The following PEAK1 variants were observed in gnomAD, a reference collection of about 807,000 sequenced individuals.
PEAK1 encodes the protein pseudopodium enriched atypical kinase 1, also known as inactive tyrosine-protein kinase PEAK1.
PEAK1 carries 54 observed loss-of-function variants against 124.7 expected under a neutral mutation model. The ratio of observed to expected loss-of-function variants is 0.43; its 90% confidence interval spans 0.35 to 0.54. PEAK1 has a LOEUF of 0.54. Among genes scored for constraint, PEAK1 ranks in the 20% least tolerant of loss-of-function variants. The pLI, the probability that PEAK1 is intolerant of heterozygous loss-of-function variation, is 0.01. For missense variants in PEAK1, 2,046 were observed against 2,134.5 expected, an observed-to-expected ratio of 0.96 and a Z score of 0.82; for synonymous variants, 719 against 760.0, an observed-to-expected ratio of 0.95 and a Z score of 0.89.
chr15:77,132,942 G>A (rs1372197910), intron 9 of PEAK1, 63 bp downstream of exon 9: 2 of 1,468,664 alleles, frequency 1.4e-6, no homozygotes, highest in Non-Finnish European at 1.8e-6. Context: ...AAAGCAGAAT[G>A]AATCCATCCC....
rs557553493 is a variant in PEAK1, at chr15:77,199,989, G to T, written c.-114-17949C>A. The stretch of plus-strand genomic sequence containing the variant: ...GGTACTGTATGGAAACATTTTTAGA[G>T]AAATAAAATAGCAAAAAAATTCAGA... On this transcript the variant is annotated intron_variant, in intron 6 of 9. Transcript: ENST00000682557. Among the ~76,000 whole-genome samples, 50 of 152,238 alleles carry T rather than the reference G, an allele frequency of 3.3e-4. 1 individual carries two copies. In the South Asian group the frequency reaches 0.01, roughly 31 times the overall value.
chr15:77,364,194 C>CA (rs999178995), intron 2 of PEAK1, among the ~76,000 whole-genome samples: 1 of 151,598 alleles, frequency 6.6e-6, no homozygotes, highest in African/African-American at 2.4e-5. Flanking sequence ...GACTCCATCT[C>CA]AAAGAAAAAA....
intron 6 of PEAK1, among the ~76,000 whole-genome samples, chr15:77,248,410 T>C (rs1006230641): frequency 2.0e-5 from 3 of 152,248 alleles, no homozygotes; most frequent in African/African-American, 7.2e-5. Flanking sequence ...TGAATATTTG[T>C]GTCCTCCTCA....
In PEAK1 at chr15:77,316,630, G is replaced by A. The variant is rs1207758862; in HGVS notation, c.-602-30126C>T. 4.6e-5 allele frequency among the ~76,000 whole-genome samples: 7 copies of A among 152,190 alleles called. No individual in the cohort carries two copies. In the South Asian group the frequency reaches 6.2e-4, roughly 14 times the overall value. The stretch of plus-strand genomic sequence containing the variant: ...ATGTAAGCTTCATATATTATTCATC[G>A]TAGTTTCCCCACCATGGTGCCTTAA... On this transcript the variant is annotated intron_variant, in intron 2 of 9. Coordinates refer to ENST00000682557, the MANE Select transcript of PEAK1 (RefSeq NM_001385026.1).
intron 2 of PEAK1, among the ~76,000 whole-genome samples, chr15:77,358,806 G>T (rs888886650): frequency 1.3e-5 from 2 of 152,180 alleles, no homozygotes; most frequent in Admixed American, 6.5e-5. Flanking sequence ...AATCAGTATG[G>T]TTTGTACAGA....
At chr15:77,326,025 C>T (rs2065554789) in intron 2 of PEAK1, among the ~76,000 whole-genome samples, 1 of 151,936 alleles carries the variant, frequency 6.6e-6, no homozygotes, top group African/African-American at 2.4e-5. Context: ...GAATCCAGCA[C>T]CATATAGTTT....
chr15:77,351,017 G>C, intron 2 of PEAK1: 2 of 876,890 alleles, frequency 2.3e-6, no homozygotes, highest in Non-Finnish European at 2.7e-6. Flanking sequence ...TGGTATTAGA[G>C]AAATACCATG....
intron 6 of PEAK1, among the ~76,000 whole-genome samples, chr15:77,240,461 T>C (rs2060305653): frequency 6.7e-6 from 1 of 149,510 alleles, no homozygotes; most frequent in African/African-American, 2.5e-5. Context: ...CTACAAAAAA[T>C]AAAAAAAAAT....
At chr15:77,170,675 G>A (rs745599664) in intron 7 of PEAK1, among the ~76,000 whole-genome samples, 20 of 152,244 alleles carry the variant, frequency 1.3e-4, no homozygotes, top group Non-Finnish European at 2.2e-4. Flanking sequence ...TTATGCTGAC[G>A]TTTTACAGAT....
intron 6 of PEAK1, chr15:77,239,784 C>G (rs1228799353): frequency 1.1e-6 from 1 of 941,142 alleles, no homozygotes; most frequent in Non-Finnish European, 1.3e-6. Flanking sequence ...TTACATACCT[C>G]CTGGGCTCTT....
intron 6 of PEAK1, among the ~76,000 whole-genome samples, chr15:77,231,322 T>A (rs1046012511): frequency 1.3e-5 from 2 of 152,210 alleles, no homozygotes; most frequent in African/African-American, 4.8e-5. Context: ...AAATAAATGC[T>A]ACATATAAGT....
At chr15:77,214,155 A>C (rs917731830) in intron 6 of PEAK1, among the ~76,000 whole-genome samples, 1 of 152,146 alleles carries the variant, frequency 6.6e-6, no homozygotes, top group Admixed American at 6.5e-5. Context: ...GATACACCAC[A>C]ATGTATTCTT....
At chr15:77,397,769 T>G (rs1329195157) in intron 1 of PEAK1, among the ~76,000 whole-genome samples, 2 of 152,056 alleles carry the variant, frequency 1.3e-5, no homozygotes, top group East Asian at 3.9e-4. Flanking sequence ...TAACAAATAA[T>G]GAGATCAAGG....
chr15:77,125,806 T>C (rs996537550), intron 9 of PEAK1, among the ~76,000 whole-genome samples: 17 of 152,260 alleles, frequency 1.1e-4, no homozygotes, highest in African/African-American at 4.1e-4. Flanking sequence ...GTCATTCTGA[T>C]TCTGTAGGAA....
At chr15:77,396,303 C>A (rs950692605) in intron 1 of PEAK1, among the ~76,000 whole-genome samples, 1 of 151,274 alleles carries the variant, frequency 6.6e-6, no homozygotes, top group Non-Finnish European at 1.5e-5. Context: ...AAACATAACA[C>A]CAGAGAAAAA....
At chr15:77,407,424 G>GA (rs897996030) in intron 1 of PEAK1, among the ~76,000 whole-genome samples, 5 of 151,186 alleles carry the variant, frequency 3.3e-5, no homozygotes, top group East Asian at 1.9e-4. Context: ...AAATCAGCAA[G>GA]AAAAAAAACA....
chr15:77,188,545 G>A (rs971978325), intron 6 of PEAK1, among the ~76,000 whole-genome samples: 1 of 152,124 alleles, frequency 6.6e-6, no homozygotes, highest in African/African-American at 2.4e-5. Context: ...CATCAGAGAA[G>A]AAGTTAAAGT....
intron 8 of PEAK1, among the ~76,000 whole-genome samples, chr15:77,141,158 C>CA (rs977803500): frequency 2.6e-5 from 4 of 152,000 alleles, no homozygotes; most frequent in Non-Finnish European, 5.9e-5. Context: ...AATCCACACA[C>CA]AAAAAAACTA....
chr15:77,359,130 C>T (rs1398661119), intron 2 of PEAK1, among the ~76,000 whole-genome samples: 1 of 152,088 alleles, frequency 6.6e-6, no homozygotes, highest in African/African-American at 2.4e-5. Flanking sequence ...TGAATGTTTT[C>T]ACCCTAAGAT....
Sources: gnomAD v4.1 joint callset for allele counts (sites outside exome capture counted in the v4.1 genomes callset) on GRCh38, gnomAD v4.1.1 for gene constraint, MANE v1.5 for transcripts, NCBI Gene and HGNC (gene_info 2026-07-23, HGNC 2026-07-21) for gene names.